USF3: variants seen among roughly 807,000 people sequenced by gnomAD.
USF3 encodes the protein basic helix-loop-helix domain-containing protein USF3.
A neutral mutation model predicts 157.5 loss-of-function variants in USF3; 29 were observed. The ratio of observed to expected loss-of-function variants is 0.18; its 90% confidence interval spans 0.14 to 0.25. The LOEUF is 0.25. Among genes scored for constraint, USF3 ranks in the 10% least tolerant of loss-of-function variants. USF3 has a pLI of 1.00. For synonymous variants in USF3, 893 were observed against 941.4 expected, an observed-to-expected ratio of 0.95 and a Z score of 0.94; for missense variants, 2,381 against 2,667.6, an observed-to-expected ratio of 0.89 and a Z score of 2.37.
chr3:113,680,143 C>T lies in USF3; in HGVS notation c.-134-2746G>A, dbSNP rs1707379414. On this transcript the variant is annotated intron_variant, in intron 1 of 6. Transcript: ENST00000316407. ...TTCACAGAATGAATTCGAAGTATTC[C>T]CTCCTCCTCTATTTTTCTTAACAGG... is the stretch of plus-strand genomic sequence containing the variant. Among the ~76,000 whole-genome samples, 6 of 145,778 alleles carry T rather than the reference C, an allele frequency of 4.1e-5. No homozygotes were observed. The Admixed American group carries it at 4.2e-4, about 10-fold the overall frequency.
Position 113,652,984 on chromosome 3 carries a change from G to C in USF3, c.*1960C>G, listed in dbSNP as rs945297833. The C allele has an allele frequency of 1.8e-6, 2 of 1,084,982 alleles. No homozygotes were observed. Among genetic ancestry groups the C allele is most frequent in the Non-Finnish European group, 1.3e-6 (1 of 778,764 alleles). The allele number at this position is 1,084,982 out of a possible 1,614,324, so 67.2% of individuals were successfully genotyped here. Reference sequence around the variant, plus strand: ...TCCTGAGGAAGAGGAACTTGAAAAAGGAATATTCAAGGTGCTGTTCCTGGT... The same window carrying C: ...TCCTGAGGAAGAGGAACTTGAAAAACGAATATTCAAGGTGCTGTTCCTGGT... On this transcript the variant is annotated 3_prime_UTR_variant, in exon 7 of 7. Coordinates refer to ENST00000316407, the MANE Select transcript of USF3 (RefSeq NM_001009899.4).
rs1947203124 is a variant in USF3, at chr3:113,648,439, T to G, written c.*6505A>C. 1 of 152,644 alleles carries G rather than the reference T, an allele frequency of 6.6e-6. No individual in the cohort carries two copies. Among genetic ancestry groups the G allele is most frequent in the Non-Finnish European group, 1.5e-5 (1 of 68,030 alleles). The allele number at this position is 152,644 out of a possible 1,614,324, so 9.5% of individuals were successfully genotyped here. On this transcript the variant is annotated 3_prime_UTR_variant, in exon 7 of 7. Transcript: ENST00000316407. ...TCTTAAATAAAATACTATATTCATA[T>G]CTATACAAATAATTATTACAACCAT...
In USF3 at chr3:113,657,420, C is replaced by A. The variant is rs780585070; in HGVS notation, c.4262G>T (p.Gly1421Val). The A allele has an allele frequency of 6.2e-7, 1 of 1,614,114 alleles. No homozygotes were observed. Among genetic ancestry groups the A allele is most frequent in the Non-Finnish European group, 8.5e-7 (1 of 1,180,026 alleles). Residue 1421 changes from glycine (G) to valine (V), a missense_variant, in exon 7 of 7, where the codon GGT becomes GTT. By Grantham distance (109) the Gly-to-Val change is moderately radical. Coordinates refer to ENST00000316407, the MANE Select transcript of USF3 (RefSeq NM_001009899.4). ...PALRQTEVQC[G>V]SQPSVAEQQQ... is the part of the protein sequence containing the mutation. ...CTGTTCAGCAACTGAAGGCTGAGAA[C>A]CACACTGAACTTCAGTTTGCCTCAA...
chr3:113,656,085 T>C lies in USF3; in HGVS notation c.5597A>G (p.His1866Arg), dbSNP rs753880777. The stretch of plus-strand genomic sequence containing the variant: ...CTGACTCTCACTCTCTCTTCTAATA[T>C]GGACATTTTCATGAGTTGGGGGACA... ...YNCPPTHENV[H>R]IRRESESQNR... is the part of the protein sequence containing the mutation. The change falls in exon 7 of 7, where the codon CAT (histidine) becomes CGT (arginine). Residue 1866 changes from histidine to arginine, a missense_variant. By Grantham distance (29) the His-to-Arg change is conservative. Coordinates refer to ENST00000316407, the MANE Select transcript of USF3 (RefSeq NM_001009899.4). The C allele has an allele frequency of 3.0e-5, 49 of 1,614,062 alleles. 1 individual carries two copies. The South Asian group carries it at 5.2e-4, about 17-fold the overall frequency.
chr3:113,693,792 T>C (rs1213675933), intron 1 of USF3, among the ~76,000 whole-genome samples: 1 of 152,200 alleles, frequency 6.6e-6, no homozygotes, highest in Non-Finnish European at 1.5e-5. Context: ...CAGAAAACTT[T>C]CATAAAAGTG....
rs773466073 is a variant in USF3 at position 113,658,433 on chromosome 3, C to T, written c.3249G>A (p.Gln1083=). The T allele has an allele frequency of 3.1e-6, 5 of 1,613,966 alleles. No homozygotes were observed. Among genetic ancestry groups the T allele is most frequent in the Middle Eastern group, 1.6e-4 (1 of 6,082 alleles). ...AGCTGGTTGACATGGGAGAGTCGGC[C>T]TGTCTACCGTTGATCAAAGAACCAT... ...VINGSLINGR[Q]ADSPMSTSSG... Residue 1083 remains glutamine, a synonymous_variant, in exon 7 of 7, where the codon CAG becomes CAA. Transcript: ENST00000316407.
intron 6 of USF3, 21 bp downstream of exon 6, chr3:113,664,292 T>A (rs370920887): frequency 4.9e-6 from 7 of 1,435,836 alleles, no homozygotes; most frequent in Admixed American, 2.0e-5. Flanking sequence ...CAACAAAAAG[T>A]AAGAACTTTT....
rs1947227091 is a variant in USF3, at chr3:113,649,658, G to C, written c.*5286C>G. 3 of 563,272 alleles carry C rather than the reference G, an allele frequency of 5.3e-6. No individual in the cohort carries two copies. The highest frequency in any genetic ancestry group is 9.4e-6 in the Non-Finnish European group (3 of 319,686). The allele number at this position is 563,272 out of a possible 1,614,324, so 34.9% of individuals were successfully genotyped here. On this transcript the variant is annotated 3_prime_UTR_variant, in exon 7 of 7. Transcript: ENST00000316407. Reference sequence around the variant, plus strand: ...TGGCCCTTTGCTATAACAGAGGAGTGGGTGAGTGATATGTTCCAACAGCTG... The same window carrying C: ...TGGCCCTTTGCTATAACAGAGGAGTCGGTGAGTGATATGTTCCAACAGCTG...
rs750176826 is a variant in USF3, at chr3:113,658,640, T to C, written c.3042A>G (p.Lys1014=). The change falls in exon 7 of 7, where the codon AAA becomes AAG. Residue 1014 remains lysine (K), a synonymous_variant. Transcript: ENST00000316407. ...LTTLLSDLAK[K]KNPQKSSLSD... is the part of the protein sequence containing the mutation. ...AAAGAGATGATTTCTGAGGGTTTTT[T>C]TTTTTAGCAAGATCAGATAGCAATG... 1 of 1,614,072 alleles carries C rather than the reference T, an allele frequency of 6.2e-7. No individual in the cohort carries two copies.
chr3:113,676,819 G>A (rs1359856019), intron 2 of USF3, among the ~76,000 whole-genome samples: 1 of 151,994 alleles, frequency 6.6e-6, no homozygotes, highest in Non-Finnish European at 1.5e-5. Flanking sequence ...TCAGGTCTTG[G>A]GCAAGTTACA....
intron 4 of USF3, 39 bp from the exon 5 acceptor site, chr3:113,670,242 C>T (rs1234661587): frequency 8.2e-7 from 1 of 1,226,510 alleles, no homozygotes; most frequent in Admixed American, 1.7e-5. Context: ...CCTTACACTA[C>T]TTAGTCAAAG....
chr3:113,684,519 A>T (rs1420258323), intron 1 of USF3, among the ~76,000 whole-genome samples: 1 of 152,064 alleles, frequency 6.6e-6, no homozygotes, highest in African/African-American at 2.4e-5. Context: ...TATTTTCTAA[A>T]TCCTGTGGGC....
chr3:113,688,841 C>A (rs542363310), intron 1 of USF3, among the ~76,000 whole-genome samples: 2 of 152,132 alleles, frequency 1.3e-5, no homozygotes, highest in Non-Finnish European at 2.9e-5. Context: ...GAGATTGAGA[C>A]CATCCTGGTT....
chr3:113,656,712 G>A lies in USF3; in HGVS notation c.4970C>T (p.Pro1657Leu). 1.2e-6 allele frequency: 2 copies of A among 1,614,114 alleles called. No individual in the cohort carries two copies. Among genetic ancestry groups the A allele is most frequent in the Non-Finnish European group, 1.7e-6 (2 of 1,179,984 alleles). Residue 1657 changes from proline (P) to leucine (L), a missense_variant, in exon 7 of 7, where the codon CCA becomes CTA. Pro to Leu is a moderately conservative substitution (Grantham distance 98). Transcript: ENST00000316407. The stretch of plus-strand genomic sequence containing the variant: ...AACTCTATTTCTCTCTGGCCTGTGT[G>A]GAGTACAGGTCATGTCTGAAGATCT... ...VTRSSDMTCT[P>L]HRPERNRVSS...
At chr3:113,662,351 G>T (rs1032417581) in intron 6 of USF3, among the ~76,000 whole-genome samples, 1 of 152,186 alleles carries the variant, frequency 6.6e-6, no homozygotes, top group Non-Finnish European at 1.5e-5. Context: ...CCTTTCTAAG[G>T]TAGATAGCTT....
Position 113,673,343 on chromosome 3 carries a change from T to C in USF3, c.76+5A>G. Reference sequence around the variant, plus strand: ...GCTAACAGGTAAAATTTAAATTGTTTCTACCTGCATTGTGTGTCTCCCGGT... The same window carrying C: ...GCTAACAGGTAAAATTTAAATTGTTCCTACCTGCATTGTGTGTCTCCCGGT... On this transcript the variant is annotated splice_donor_5th_base_variant and intron_variant, in intron 4 of 6. Coordinates refer to ENST00000316407, the MANE Select transcript of USF3 (RefSeq NM_001009899.4). 2 of 1,599,074 alleles carry C rather than the reference T, an allele frequency of 1.3e-6. No homozygotes were observed. The highest frequency in any genetic ancestry group is 1.7e-6 in the Non-Finnish European group (2 of 1,169,260).
chr3:113,689,589 G>A (rs1707640178), intron 1 of USF3, among the ~76,000 whole-genome samples: 1 of 152,102 alleles, frequency 6.6e-6, no homozygotes, highest in African/African-American at 2.4e-5. Flanking sequence ...CAAAATGCAA[G>A]GATTTTCCTC....
Position 113,658,011 on chromosome 3 carries a change from G to A in USF3, c.3671C>T (p.Ala1224Val). ...CTGAGAAGTTGAATCCTGTAAAGAT[G>A]CATTTGATGTTTTAATTCCTAGAGA... The part of the protein sequence containing the change: ...SCSLGIKTSN[A>V]SLQDSTSQPP... Residue 1224 changes from alanine to valine, a missense_variant, in exon 7 of 7, where the codon GCA becomes GTA. This residue lies in a region of USF3 where 1,435 missense variants were observed against 1,550.9 expected (regional missense o/e 0.93). Transcript: ENST00000316407. The A allele has an allele frequency of 1.2e-6, 2 of 1,614,118 alleles. No individual in the cohort carries two copies. The highest frequency in any genetic ancestry group is 1.7e-6 in the Non-Finnish European group (2 of 1,179,986).
chr3:113,667,351 C>T (rs1005565683), intron 5 of USF3, among the ~76,000 whole-genome samples: 1 of 152,198 alleles, frequency 6.6e-6, no homozygotes, highest in Non-Finnish European at 1.5e-5. Flanking sequence ...TTCCTTTGCA[C>T]ATTCTAGAAC....
Sources: gnomAD v4.1 joint callset for allele counts (sites outside exome capture counted in the v4.1 genomes callset) on GRCh38, gnomAD v4.1.1 for gene constraint, gnomAD v4.1.1 regional missense constraint, MANE v1.5 for transcripts, NCBI Gene and HGNC (gene_info 2026-07-23, HGNC 2026-07-21) for gene names.